The following AMMECR1 variants were observed in gnomAD, a reference collection of about 807,000 sequenced individuals.
AMMECR1 encodes the protein nuclear protein AMMECR1.
AMMECR1 carries 3 observed loss-of-function variants against 22.5 expected under a neutral mutation model. That is an observed-to-expected ratio of 0.13 (90% CI 0.06 to 0.35). The LOEUF (loss-of-function observed/expected upper bound fraction) is 0.35. Ranked by LOEUF, AMMECR1 falls within the 10% of genes least tolerant of loss-of-function variation. The pLI is 1.00. For synonymous variants in AMMECR1, 130 were observed against 116.7 expected (o/e 1.11, Z -0.74); for missense variants, 235 against 278.7 (o/e 0.84, Z 1.12).
chrX:110,424,908 A>G (rs1345256952), intron 2 of AMMECR1, among the ~76,000 whole-genome samples: 1 of 111,656 alleles, frequency 9.0e-6, no homozygotes, highest in Non-Finnish European at 1.9e-5. Flanking sequence ...TGAGTGCTTT[A>G]CTGTTAACCA....
chrX:110,219,038 A>T (rs1201561088), intron 2 of AMMECR1, among the ~76,000 whole-genome samples: 3 of 111,839 alleles, frequency 2.7e-5, no homozygotes, highest in African/African-American at 9.7e-5. Context: ...TTACCTATTC[A>T]TTGGTTGATG....
intron 1 of AMMECR1, among the ~76,000 whole-genome samples, chrX:110,314,217 T>A (rs1026383737): frequency 8.9e-6 from 1 of 111,966 alleles, no homozygotes; most frequent in Non-Finnish European, 1.9e-5. Context: ...CCTGAGAGCC[T>A]ATATTTGTAA....
intron 2 of AMMECR1, among the ~76,000 whole-genome samples, chrX:110,257,387 A>C (rs2067716151): frequency 8.9e-6 from 1 of 112,342 alleles, no homozygotes. Context: ...ACTTGGTTCT[A>C]GCTAATGTTT....
At chrX:110,435,168 G>A (rs2068829274) in intron 1 of AMMECR1, among the ~76,000 whole-genome samples, 1 of 105,793 alleles carries the variant, frequency 9.5e-6, no homozygotes, top group African/African-American at 3.5e-5. Context: ...AGGAAAGGGA[G>A]GAAGGAGGGA....
intron 2 of AMMECR1, among the ~76,000 whole-genome samples, chrX:110,376,338 A>C (rs2068376368): frequency 9.0e-6 from 1 of 110,850 alleles, no homozygotes; most frequent in African/African-American, 3.3e-5. Flanking sequence ...CTTGGCTGGT[A>C]GTTTGCAAGC....
At chrX:110,349,834 A>AGGCAGAGCAAGGATTT (rs1378238612) in intron 2 of AMMECR1, among the ~76,000 whole-genome samples, 1 of 111,961 alleles carries the variant, frequency 8.9e-6, no homozygotes, top group Non-Finnish European at 1.9e-5. Flanking sequence ...AATGTGTAAG[A>AGGCAGAGCAAGGATTT]GGCAGAGCAA....
At chrX:110,347,301 G>A (rs1188166508) in intron 2 of AMMECR1, among the ~76,000 whole-genome samples, 4 of 112,560 alleles carry the variant, frequency 3.6e-5, no homozygotes, top group Non-Finnish European at 7.5e-5. Flanking sequence ...CCCTTTCTTC[G>A]AAATGCTGTA....
At chrX:110,347,982 C>A (rs1169234174) in intron 2 of AMMECR1, among the ~76,000 whole-genome samples, 1 of 112,428 alleles carries the variant, frequency 8.9e-6, no homozygotes, top group Non-Finnish European at 1.9e-5. Flanking sequence ...GAAATTGACA[C>A]AATGTATTTT....
intron 2 of AMMECR1, among the ~76,000 whole-genome samples, chrX:110,417,724 G>C (rs1247302054): frequency 8.9e-6 from 1 of 112,449 alleles, no homozygotes; most frequent in Non-Finnish European, 1.9e-5. Flanking sequence ...TGAAGATGAT[G>C]ATGATGACAA....
chrX:110,418,249 T>C, intron 2 of AMMECR1, among the ~76,000 whole-genome samples: 1 of 111,853 alleles, frequency 8.9e-6, no homozygotes, highest in East Asian at 2.8e-4. Flanking sequence ...CAAGTTGAGG[T>C]TCTTATTTTT....
intron 2 of AMMECR1, among the ~76,000 whole-genome samples, chrX:110,369,165 T>C (rs1450901164): frequency 2.7e-5 from 3 of 110,887 alleles, no homozygotes; most frequent in African/African-American, 9.9e-5. Context: ...ACCCCGTCTC[T>C]ACTAAAAATA....
At chrX:110,424,331 A>G (rs2068739479) in intron 2 of AMMECR1, among the ~76,000 whole-genome samples, 1 of 111,426 alleles carries the variant, frequency 9.0e-6, no homozygotes, top group African/African-American at 3.3e-5. Flanking sequence ...TGCTACTACT[A>G]TTACTACTAC....
chrX:110,234,608 C>T (rs1289656180), intron 2 of AMMECR1, among the ~76,000 whole-genome samples: 1 of 111,906 alleles, frequency 8.9e-6, no homozygotes, highest in African/African-American at 3.3e-5. Flanking sequence ...ACCAAAACAG[C>T]ATGGTACTGG....
intron 2 of AMMECR1, among the ~76,000 whole-genome samples, chrX:110,241,746 G>A (rs769450306): frequency 9.2e-6 from 1 of 108,696 alleles, no homozygotes; most frequent in East Asian, 2.9e-4. Flanking sequence ...AAAATAGGGG[G>A]AAGGGAAAAA....
chrX:110,416,917 A>G (rs185156953), intron 2 of AMMECR1, among the ~76,000 whole-genome samples: 5 of 112,153 alleles, frequency 4.5e-5, no homozygotes, highest in African/African-American at 9.7e-5. Context: ...TATCTTTGCT[A>G]AAGGAAGAGG....
chrX:110,302,268 A>T (rs1393302872), intron 1 of AMMECR1, among the ~76,000 whole-genome samples: 1 of 111,396 alleles, frequency 9.0e-6, no homozygotes, highest in Middle Eastern at 4.3e-3. Flanking sequence ...TTAGATTTGT[A>T]CTGCCCTGAT....
At chrX:110,349,789 A>C (rs1341519655) in intron 2 of AMMECR1, among the ~76,000 whole-genome samples, 1 of 111,885 alleles carries the variant, frequency 8.9e-6, no homozygotes, top group Non-Finnish European at 1.9e-5. Flanking sequence ...ATTTTTCAAA[A>C]TGAGGAAACT....
At chrX:110,361,531 C>G (rs1221914255) in intron 2 of AMMECR1, among the ~76,000 whole-genome samples, 1 of 111,393 alleles carries the variant, frequency 9.0e-6, no homozygotes, top group Non-Finnish European at 1.9e-5. Flanking sequence ...CCATCTGACA[C>G]TCAGTAACAA....
At chrX:110,231,999 C>T (rs1052851074) in intron 2 of AMMECR1, among the ~76,000 whole-genome samples, 3 of 111,385 alleles carry the variant, frequency 2.7e-5, no homozygotes, top group Non-Finnish European at 5.7e-5. Context: ...AATACAGGAG[C>T]ACCCAGATTC....
Sources: allele counts gnomAD v4.1 joint callset (sites outside exome capture counted in the v4.1 genomes callset), GRCh38; gene constraint gnomAD v4.1.1; transcripts MANE v1.5; gene names NCBI Gene and HGNC (gene_info 2026-07-23, HGNC 2026-07-21).